OSBPL9: variants seen among roughly 807,000 people sequenced by gnomAD.
OSBPL9 encodes oxysterol binding protein like 9.
In OSBPL9, 40 loss-of-function variants were observed where a neutral mutation model predicts 106.6. The observed-to-expected ratio is 0.38, with a 90% CI of 0.29 to 0.49. OSBPL9 has a LOEUF of 0.49. Ranked by LOEUF, OSBPL9 falls within the 20% of genes least tolerant of loss-of-function variation. The pLI is 0.97. For synonymous variants in OSBPL9, 269 were observed against 295.4 expected (o/e 0.91, Z 0.92); for missense variants, 609 against 887.2 (o/e 0.69, Z 3.98).
chr1:51,612,386 G>A (rs1302953843), upstream of OSBPL9, among the ~76,000 whole-genome samples: 3 of 152,164 alleles, frequency 2.0e-5, no homozygotes, highest in Admixed American at 2.0e-4. Flanking sequence ...ACGAGTTTTT[G>A]ATGTTTTACG....
intron 3 of OSBPL9, among the ~76,000 whole-genome samples, chr1:51,691,651 G>A (rs1488602232): frequency 6.6e-6 from 1 of 151,672 alleles, no homozygotes; most frequent in Non-Finnish European, 1.5e-5. Context: ...TGTCTCTTTT[G>A]TAATAATACT....
At chr1:51,602,065 G>A (rs867754019) in intron 2 of OSBPL9, among the ~76,000 whole-genome samples, 42 of 110,690 alleles carry the variant, frequency 3.8e-4, no homozygotes, top group Middle Eastern at 0.018. Flanking sequence ...CTTTCACCCA[G>A]GTAGGACTGC....
intron 1 of OSBPL9, among the ~76,000 whole-genome samples, chr1:51,619,013 A>T (rs1289705555): frequency 6.6e-6 from 1 of 152,220 alleles, no homozygotes; most frequent in Non-Finnish European, 1.5e-5. Flanking sequence ...AGGGAAAAAG[A>T]CTAAACCTTA....
In OSBPL9 at chr1:51,642,256, A is replaced by G. The variant is rs144640299; in HGVS notation, c.112-9735A>G. 1.2e-3 allele frequency among the ~76,000 whole-genome samples: 182 copies of G among 152,300 alleles called. 1 individual carries two copies. Among genetic ancestry groups the G allele is most frequent in the Middle Eastern group, 3.4e-3 (1 of 294 alleles). On this transcript the variant is annotated intron_variant, in intron 1 of 23. Coordinates refer to ENST00000428468, the MANE Select transcript of OSBPL9 (RefSeq NM_024586.6). Reference sequence around the variant, plus strand: ...GTGTCTCCGTCCTATCATTTATTCAATATTTTTTGAGTTTCCTCTGTGTAA... The same window carrying G: ...GTGTCTCCGTCCTATCATTTATTCAGTATTTTTTGAGTTTCCTCTGTGTAA...
At chr1:51,676,277 A>G (rs892259262) in intron 3 of OSBPL9, among the ~76,000 whole-genome samples, 1 of 151,986 alleles carries the variant, frequency 6.6e-6, no homozygotes, top group Non-Finnish European at 1.5e-5. Flanking sequence ...TACAAATACA[A>G]AAAATTAGCC....
chr1:51,589,025 G>T (rs1004056861), intron 1 of OSBPL9, among the ~76,000 whole-genome samples: 1 of 152,142 alleles, frequency 6.6e-6, no homozygotes, highest in African/African-American at 2.4e-5. Flanking sequence ...TTGGGGTGAT[G>T]GAAGTGTTCT....
At chr1:51,533,810 G>A in the OSBPL9 span, among the ~76,000 whole-genome samples, 1 of 150,278 alleles carries the variant, frequency 6.7e-6, no homozygotes, top group African/African-American at 2.4e-5. Flanking sequence ...TAATGCCTGG[G>A]CATTTTTTTT....
chr1:51,732,440 A>C (rs1306157171), intron 4 of OSBPL9, among the ~76,000 whole-genome samples: 2 of 152,230 alleles, frequency 1.3e-5, no homozygotes, highest in Non-Finnish European at 2.9e-5. Context: ...GTAAAGGTTT[A>C]AACAAAGATT....
the OSBPL9 span, among the ~76,000 whole-genome samples, chr1:51,562,868 T>C: frequency 6.6e-6 from 1 of 152,240 alleles, no homozygotes; most frequent in Non-Finnish European, 1.5e-5. Flanking sequence ...CTGATTCCTT[T>C]CGTTCTTCTT....
the OSBPL9 span, among the ~76,000 whole-genome samples, chr1:51,544,665 C>T: frequency 6.6e-6 from 1 of 151,590 alleles, no homozygotes; most frequent in African/African-American, 2.4e-5. Context: ...ATAATTCAGC[C>T]TATTCAATGG....
intron 2 of OSBPL9, among the ~76,000 whole-genome samples, chr1:51,606,288 C>T (rs1643948324): frequency 1.3e-5 from 2 of 152,182 alleles, no homozygotes; most frequent in African/African-American, 4.8e-5. Context: ...TGTGTGGCAA[C>T]ACAGACTCTG....
intron 6 of OSBPL9, among the ~76,000 whole-genome samples, chr1:51,747,472 T>G (rs1668225300): frequency 6.6e-6 from 1 of 152,104 alleles, no homozygotes; most frequent in African/African-American, 2.4e-5. Context: ...GTTCTGCTAT[T>G]GTCCCCCACT....
intron 18 of OSBPL9, 38 bp downstream of exon 18, chr1:51,784,063 G>A (rs1464470740): frequency 1.3e-6 from 2 of 1,543,138 alleles, no homozygotes; most frequent in Admixed American, 3.3e-5. Context: ...CAATGTTATA[G>A]GAGAATTTTA....
At chr1:51,725,422 T>G (rs1453413696) in intron 4 of OSBPL9, among the ~76,000 whole-genome samples, 1 of 152,238 alleles carries the variant, frequency 6.6e-6, no homozygotes, top group Non-Finnish European at 1.5e-5. Flanking sequence ...CCCTGCAACA[T>G]CCAAGTCTAG....
intron 1 of OSBPL9, among the ~76,000 whole-genome samples, chr1:51,591,697 CAGA>C (rs1227985581): frequency 6.6e-6 from 1 of 152,022 alleles, no homozygotes; most frequent in East Asian, 1.9e-4. Flanking sequence ...GGAGCTGAGG[CAGA>C]AGAATTGCTT....
At chr1:51,618,166 G>A (rs1454486382) in intron 1 of OSBPL9, among the ~76,000 whole-genome samples, 1 of 152,062 alleles carries the variant, frequency 6.6e-6, no homozygotes, top group East Asian at 1.9e-4. Context: ...TCACAGGCAT[G>A]CGCCACCACA....
intron 11 of OSBPL9, 51 bp from the exon 12 acceptor site, chr1:51,765,771 G>A (rs2149083780): frequency 6.6e-7 from 1 of 1,518,416 alleles, no homozygotes; most frequent in Admixed American, 2.2e-5. Context: ...CATCTCCCTA[G>A]TTTCTTCTCT....
chr1:51,722,843 C>G (rs918281340), intron 4 of OSBPL9, among the ~76,000 whole-genome samples: 5 of 152,192 alleles, frequency 3.3e-5, no homozygotes, highest in African/African-American at 9.7e-5. Flanking sequence ...CTTCTGGGAA[C>G]CAGTCAGGCA....
At chr1:51,717,282 A>G (rs1157767599) in intron 4 of OSBPL9, among the ~76,000 whole-genome samples, 1 of 152,006 alleles carries the variant, frequency 6.6e-6, no homozygotes, top group Non-Finnish European at 1.5e-5. Context: ...TTCCTTTTTC[A>G]TTGAACTTTA....
Sources: allele counts gnomAD v4.1 joint callset (sites outside exome capture counted in the v4.1 genomes callset), GRCh38; gene constraint gnomAD v4.1.1; transcripts MANE v1.5; gene names NCBI Gene and HGNC (gene_info 2026-07-23, HGNC 2026-07-21).